The following STXBP5L variants were observed in gnomAD, a reference collection of about 807,000 sequenced individuals.
STXBP5L encodes the protein syntaxin-binding protein 5-like.
STXBP5L carries 65 observed loss-of-function variants against 144.5 expected under a neutral mutation model. The ratio of observed to expected loss-of-function variants is 0.45; its 90% CI spans 0.37 to 0.55. The LOEUF (loss-of-function observed/expected upper bound fraction) is 0.55, where lower values mean the gene tolerates loss of function less well. STXBP5L is among the 20% of genes least tolerant of loss of function. The probability of loss-of-function intolerance (pLI) is 0.00; values close to 1 mark genes in which losing one functional copy is unlikely to be tolerated. For synonymous variants in STXBP5L, 505 were observed against 469.6 expected (o/e 1.08, Z -0.97); for missense variants, 1,298 against 1,405.5 (o/e 0.92, Z 1.22).
At chr3:121,229,784 C>G (rs1311226774) in intron 11 of STXBP5L, among the ~76,000 whole-genome samples, 1 of 152,014 alleles carries the variant, frequency 6.6e-6, no homozygotes, top group Non-Finnish European at 1.5e-5. Flanking sequence ...AAACTTCTGG[C>G]CTCAAACAAT....
rs201600592 is a variant in STXBP5L at position 121,376,828 on chromosome 3, A to G, written c.2177-1888A>G. ...ATAAATAGCTTTGGGCAGTATGGCC[A>G]TTTTCACGATATTGATTCTTCCTAT... On this transcript the variant is annotated intron_variant, in intron 20 of 26. Transcript: ENST00000471454. Among the ~76,000 whole-genome samples the G allele has an allele frequency of 1.4e-4, 21 of 152,162 alleles. No homozygotes were observed. The East Asian group carries it at 3.9e-3, about 28-fold the overall frequency.
intron 9 of STXBP5L, among the ~76,000 whole-genome samples, chr3:121,164,640 G>C (rs943207995): frequency 6.6e-6 from 1 of 152,150 alleles, no homozygotes; most frequent in Non-Finnish European, 1.5e-5. Flanking sequence ...AACAGCCTAA[G>C]TGTCTGTTGA....
chr3:121,083,530 G>T (rs1429293303), intron 5 of STXBP5L, among the ~76,000 whole-genome samples: 1 of 151,978 alleles, frequency 6.6e-6, no homozygotes, highest in South Asian at 2.1e-4. Flanking sequence ...AGACGTGATG[G>T]CAGGCGTCTG....
At chr3:120,908,644 C>T (rs1708659312) in intron 1 of STXBP5L, among the ~76,000 whole-genome samples, 1 of 151,180 alleles carries the variant, frequency 6.6e-6, no homozygotes, top group African/African-American at 2.4e-5. Context: ...ACAGCGGGAG[C>T]GGCGGCTCTG....
intron 2 of STXBP5L, among the ~76,000 whole-genome samples, chr3:120,952,889 C>T (rs1711360935): frequency 6.6e-6 from 1 of 152,076 alleles, no homozygotes; most frequent in African/African-American, 2.4e-5. Context: ...GCCTCAACCT[C>T]CCAGGCTCAA....
intron 9 of STXBP5L, among the ~76,000 whole-genome samples, chr3:121,183,785 G>A (rs1222239798): frequency 6.6e-6 from 1 of 152,100 alleles, no homozygotes; most frequent in African/African-American, 2.4e-5. Context: ...GCTTCCAGCA[G>A]GGGTTGACAG....
intron 9 of STXBP5L, among the ~76,000 whole-genome samples, chr3:121,168,552 A>G (rs2046583891): frequency 6.6e-6 from 1 of 152,208 alleles, no homozygotes; most frequent in Non-Finnish European, 1.5e-5. Context: ...ATACACAAGT[A>G]TCAATAGCTG....
At chr3:121,233,588 A>G (rs1340626647) in intron 11 of STXBP5L, 28 bp from the exon 12 acceptor site, 1 of 1,574,870 alleles carries the variant, frequency 6.3e-7, no homozygotes. Flanking sequence ...CAATATGAAA[A>G]CTTTTCATTT....
intron 9 of STXBP5L, among the ~76,000 whole-genome samples, chr3:121,191,722 G>C (rs1248996911): frequency 6.6e-6 from 1 of 152,080 alleles, no homozygotes; most frequent in Non-Finnish European, 1.5e-5. Context: ...TGATAGACTG[G>C]ATTAAGAAAA....
At chr3:121,083,067 G>T (rs2042324741) in intron 5 of STXBP5L, among the ~76,000 whole-genome samples, 2 of 151,896 alleles carry the variant, frequency 1.3e-5, no homozygotes, top group Admixed American at 1.3e-4. Flanking sequence ...GGGTGTGGTG[G>T]CGTGCTCTGT....
At chr3:121,318,369 G>A (rs1274352497) in intron 19 of STXBP5L, 106 bp from the exon 20 acceptor site, 3 of 638,914 alleles carry the variant, frequency 4.7e-6, no homozygotes, top group East Asian at 3.4e-5. Context: ...TGATAAAGTA[G>A]TTTTCACATA....
intron 3 of STXBP5L, among the ~76,000 whole-genome samples, chr3:120,994,763 G>GTT (rs796442678): frequency 2.0e-5 from 3 of 151,852 alleles, no homozygotes; most frequent in African/African-American, 4.8e-5. Context: ...TGGTTTTCTG[G>GTT]TTTTTTTAAT....
At chr3:120,965,431 T>G (rs916565976) in intron 3 of STXBP5L, among the ~76,000 whole-genome samples, 1 of 152,206 alleles carries the variant, frequency 6.6e-6, no homozygotes, top group Non-Finnish European at 1.5e-5. Context: ...TTTCTTTCTA[T>G]GTTTAGTGCT....
rs867781032 is a variant in STXBP5L, at chr3:121,313,548, G to A, written c.2111-4927G>A. On this transcript the variant is annotated intron_variant, in intron 19 of 26. Transcript: ENST00000471454. ...GGAGCCCCTCACTCCCGGACGGGGC[G>A]GCCGGCCGGGCGGGGGGCTGACCCC... Among the ~76,000 whole-genome samples the A allele has an allele frequency of 5.2e-3, 258 of 49,248 alleles. 10 individuals carry two copies. Among genetic ancestry groups the A allele is most frequent in the Middle Eastern group, 0.056 (2 of 36 alleles). 32.3% of individuals were successfully genotyped at this position (49,248 alleles called of 152,430 possible).
intron 3 of STXBP5L, among the ~76,000 whole-genome samples, chr3:120,984,977 T>C (rs1213557604): frequency 2.0e-5 from 3 of 152,178 alleles, no homozygotes; most frequent in Non-Finnish European, 4.4e-5. Context: ...AATATTCATA[T>C]GTTGAACAAT....
chr3:121,110,347 G>GTTTT lies in STXBP5L; in HGVS notation c.471-4575_471-4572dup, dbSNP rs1211915780. 2.0e-5 allele frequency among the ~76,000 whole-genome samples: 3 copies of GTTTT among 152,206 alleles called. No individual in the cohort carries two copies. The South Asian group carries it at 6.2e-4, about 32-fold the overall frequency. On this transcript the variant is annotated intron_variant, in intron 5 of 26. Coordinates refer to ENST00000471454, the MANE Select transcript of STXBP5L (RefSeq NM_001308330.2). Reference sequence around the variant, plus strand: ...TGTGGTTTTGTAGTAGCTGGTAACAGTTTTTTGTTTGTTTGTTTGCTTGTT... The same window carrying GTTTT: ...TGTGGTTTTGTAGTAGCTGGTAACAGTTTTTTTTTTGTTTGTTTGTTTGCTTGTT...
intron 5 of STXBP5L, among the ~76,000 whole-genome samples, chr3:121,093,317 C>G (rs1485876055): frequency 6.6e-6 from 1 of 152,052 alleles, no homozygotes; most frequent in Non-Finnish European, 1.5e-5. Context: ...CCCTCTTTTT[C>G]TATTGATTGG....
chr3:120,939,699 A>T (rs1710465024), intron 2 of STXBP5L, among the ~76,000 whole-genome samples: 1 of 152,206 alleles, frequency 6.6e-6, no homozygotes, highest in African/African-American at 2.4e-5. Flanking sequence ...CGTCGAACAT[A>T]ACGTTAAACA....
chr3:120,932,452 G>A (rs957904212), intron 2 of STXBP5L, among the ~76,000 whole-genome samples: 3 of 152,136 alleles, frequency 2.0e-5, no homozygotes, highest in African/African-American at 7.2e-5. Flanking sequence ...TTATTTTTCT[G>A]AGAGTAGTTC....
Sources: allele counts gnomAD v4.1 joint callset (sites outside exome capture counted in the v4.1 genomes callset), GRCh38; gene constraint gnomAD v4.1.1; transcripts MANE v1.5; gene names NCBI Gene and HGNC (gene_info 2026-07-23, HGNC 2026-07-21).